The following KCNMA1 variants were observed in gnomAD, a reference collection of about 807,000 sequenced individuals.
KCNMA1 encodes the protein Calcium-activated potassium channel subunit alpha-1.
A neutral mutation model predicts 140.0 loss-of-function variants in KCNMA1; 29 were observed. The ratio of observed to expected loss-of-function variants is 0.21; its 90% CI spans 0.15 to 0.28. KCNMA1 has a LOEUF of 0.28. Ranked by LOEUF, KCNMA1 falls within the 10% of genes least tolerant of loss-of-function variation. The pLI is 1.00. For synonymous variants in KCNMA1, 612 were observed against 611.9 expected, an observed-to-expected ratio of 1.00 and a Z score of 0.00; for missense variants, 880 against 1,602.2, an observed-to-expected ratio of 0.55 and a Z score of 7.70.
chr10:77,216,677 G>C (rs1385643594), intron 3 of KCNMA1, among the ~76,000 whole-genome samples: 1 of 152,074 alleles, frequency 6.6e-6, no homozygotes, highest in Middle Eastern at 3.2e-3. Context: ...GCTTCTGAAG[G>C]CTTCTAAATT....
Position 77,184,726 on chromosome 10 carries a change from A to G in KCNMA1, c.696+97T>C. On this transcript the variant is annotated intron_variant, in intron 4 of 27. Coordinates refer to ENST00000286628, the MANE Select transcript of KCNMA1 (RefSeq NM_001161352.2). ...TGCGGGTGCGCTGTTTCTCCTGGAA[A>G]TATCTTGACTGCGAGAGCAGAGGCT... The G allele has an allele frequency of 2.3e-5, 19 of 833,324 alleles. No individual in the cohort carries two copies. The Middle Eastern group carries it at 6.6e-4, about 29-fold the overall frequency. The allele number at this position is 833,324 out of a possible 1,614,324, so 51.6% of individuals were successfully genotyped here.
intron 3 of KCNMA1, among the ~76,000 whole-genome samples, chr10:77,217,934 G>A (rs1391551342): frequency 1.3e-5 from 2 of 152,068 alleles, no homozygotes. Flanking sequence ...CTTTACAAAG[G>A]CTTAAAAATA....
chr10:77,337,078 C>G (rs895326261), intron 2 of KCNMA1, among the ~76,000 whole-genome samples: 2 of 152,192 alleles, frequency 1.3e-5, no homozygotes, highest in African/African-American at 2.4e-5. Context: ...TGTTCCAGAA[C>G]TCGGAGACAA....
chr10:77,257,996 G>A (rs925511285), intron 2 of KCNMA1, among the ~76,000 whole-genome samples: 2 of 152,180 alleles, frequency 1.3e-5, no homozygotes, highest in Non-Finnish European at 2.9e-5. Flanking sequence ...GTGATGTGGA[G>A]AAGGAAGAGC....
intron 25 of KCNMA1, chr10:76,901,720 C>G (rs1379749852): frequency 6.6e-6 from 1 of 152,200 alleles, no homozygotes; most frequent in Non-Finnish European, 1.5e-5. Flanking sequence ...ACTCTGGGAC[C>G]ACTCATATCT....
At chr10:76,967,190 A>G (rs1197606685) in intron 20 of KCNMA1, among the ~76,000 whole-genome samples, 3 of 152,174 alleles carry the variant, frequency 2.0e-5, no homozygotes, top group Non-Finnish European at 4.4e-5. Flanking sequence ...GTCACTGCCC[A>G]TAGGCCACTA....
At chr10:77,088,981 C>T (rs2096756029) in intron 10 of KCNMA1, among the ~76,000 whole-genome samples, 1 of 152,150 alleles carries the variant, frequency 6.6e-6, no homozygotes, top group Admixed American at 6.5e-5. Context: ...CTTGAAATGC[C>T]CAACTCATGT....
At chr10:77,184,946 G>A in intron 3 of KCNMA1, 30 bp from the exon 4 acceptor site, 1 of 1,326,686 alleles carries the variant, frequency 7.5e-7, no homozygotes, top group Non-Finnish European at 1.1e-6. Context: ...AAAAGCAAGA[G>A]GTAAATGACA....
intron 4 of KCNMA1, among the ~76,000 whole-genome samples, chr10:77,183,829 C>T (rs1264189921): frequency 6.6e-6 from 1 of 151,740 alleles, no homozygotes; most frequent in African/African-American, 2.4e-5. Flanking sequence ...GACATTATGT[C>T]CTTCTCATAT....
At chr10:77,029,886 G>A (rs1464958269) in intron 15 of KCNMA1, among the ~76,000 whole-genome samples, 2 of 152,046 alleles carry the variant, frequency 1.3e-5, no homozygotes, top group East Asian at 3.9e-4. Context: ...AAATGAGGGG[G>A]GAGCAAGATC....
intron 19 of KCNMA1, among the ~76,000 whole-genome samples, chr10:76,988,336 A>C (rs1049034112): frequency 1.3e-5 from 2 of 152,158 alleles, no homozygotes; most frequent in African/African-American, 4.8e-5. Flanking sequence ...AAGGTAGGAA[A>C]GGTGATGATG....
intron 9 of KCNMA1, among the ~76,000 whole-genome samples, chr10:77,100,794 T>C (rs1268370155): frequency 6.6e-6 from 1 of 152,138 alleles, no homozygotes; most frequent in East Asian, 1.9e-4. Flanking sequence ...ATTCACCCAA[T>C]CAAAGGAGCC....
intron 5 of KCNMA1, among the ~76,000 whole-genome samples, chr10:77,179,915 C>T (rs772844413): frequency 2.6e-5 from 4 of 152,254 alleles, no homozygotes; most frequent in Admixed American, 6.5e-5. Flanking sequence ...ATGAGTACAC[C>T]GTTACATGCA....
At chr10:77,463,961 G>A (rs1327671083) in intron 1 of KCNMA1, among the ~76,000 whole-genome samples, 5 of 152,156 alleles carry the variant, frequency 3.3e-5, no homozygotes, top group Admixed American at 3.3e-4. Flanking sequence ...AAGCTCCAGA[G>A]ACCAGCGGCA....
At chr10:77,495,942 T>G (rs933614667) in intron 1 of KCNMA1, among the ~76,000 whole-genome samples, 1 of 152,160 alleles carries the variant, frequency 6.6e-6, no homozygotes, top group African/African-American at 2.4e-5. Context: ...AGTCTTCCTG[T>G]GTGGAAGCTC....
At chr10:77,416,457 C>T (rs1002822828) in intron 1 of KCNMA1, among the ~76,000 whole-genome samples, 2 of 152,188 alleles carry the variant, frequency 1.3e-5, no homozygotes, top group African/African-American at 2.4e-5. Context: ...CAAGTGTTAC[C>T]GTGGCCCCAA....
intron 1 of KCNMA1, among the ~76,000 whole-genome samples, chr10:77,446,655 A>G (rs1253982382): frequency 1.3e-5 from 2 of 152,234 alleles, no homozygotes; most frequent in African/African-American, 2.4e-5. Context: ...ACAAAGGCCA[A>G]TGGGGGTCAC....
intron 6 of KCNMA1, 40 bp from the exon 7 acceptor site, chr10:77,112,482 G>T: frequency 1.3e-6 from 2 of 1,527,366 alleles, no homozygotes; most frequent in South Asian, 2.2e-5. Flanking sequence ...ACGTTACCAA[G>T]GGAAGGCCCT....
At chr10:77,125,367 G>A (rs973575026) in intron 5 of KCNMA1, among the ~76,000 whole-genome samples, 15 of 152,254 alleles carry the variant, frequency 9.9e-5, no homozygotes, top group East Asian at 1.9e-4. Flanking sequence ...ACTACTGTCC[G>A]CTGATCTGGC....
Sources: allele counts gnomAD v4.1 joint callset (sites outside exome capture counted in the v4.1 genomes callset), GRCh38; gene constraint gnomAD v4.1.1; transcripts MANE v1.5; gene names NCBI Gene and HGNC (gene_info 2026-07-23, HGNC 2026-07-21).